TAFA4: variants seen among roughly 807,000 people sequenced by gnomAD.
TAFA4 encodes the protein chemokine-like protein TAFA-4.
TAFA4 carries 20 observed loss-of-function variants against 21.1 expected under a neutral mutation model. The observed-to-expected ratio is 0.95, with a 90% CI of 0.67 to 1.38. The LOEUF (loss-of-function observed/expected upper bound fraction) is 1.38. Ranked by LOEUF, TAFA4 falls within the 40% of genes most tolerant of loss-of-function variation. The pLI is 0.00. For synonymous variants in TAFA4, 71 were observed against 67.4 expected, an observed-to-expected ratio of 1.05 and a Z score of -0.26; for missense variants, 211 against 180.9, an observed-to-expected ratio of 1.17 and a Z score of -0.95.
At chr3:68,784,307 C>T (rs1447510105) in intron 3 of TAFA4, among the ~76,000 whole-genome samples, 3 of 152,206 alleles carry the variant, frequency 2.0e-5, no homozygotes, top group African/African-American at 7.2e-5. Context: ...CTTGGTCTCA[C>T]TGACTTCAAG....
intron 3 of TAFA4, among the ~76,000 whole-genome samples, chr3:68,861,817 T>G (rs1270117088): frequency 6.6e-6 from 1 of 152,040 alleles, no homozygotes; most frequent in Non-Finnish European, 1.5e-5. Flanking sequence ...CGTCATTGGA[T>G]TCTCACTGGC....
At chr3:68,825,545 A>G (rs1193181955) in intron 3 of TAFA4, among the ~76,000 whole-genome samples, 1 of 147,422 alleles carries the variant, frequency 6.8e-6, no homozygotes, top group African/African-American at 2.7e-5. Flanking sequence ...GAGTGTGTGC[A>G]GTCACTGAAT....
At chr3:68,790,912 C>G (rs972682989) in intron 3 of TAFA4, among the ~76,000 whole-genome samples, 3 of 152,172 alleles carry the variant, frequency 2.0e-5, no homozygotes, top group Admixed American at 6.5e-5. Flanking sequence ...ATGGCAACCC[C>G]CAATGTGTGT....
chr3:68,852,216 C>T (rs952984179), intron 3 of TAFA4, among the ~76,000 whole-genome samples: 2 of 152,142 alleles, frequency 1.3e-5, no homozygotes, highest in Non-Finnish European at 2.9e-5. Context: ...AGAGAGGACT[C>T]TTTTGTGCCA....
chr3:68,812,175 C>G (rs11914764), intron 3 of TAFA4, among the ~76,000 whole-genome samples: 12,840 of 152,174 alleles, frequency 0.084, 650 homozygotes, highest in African/African-American at 0.13. Context: ...CTGAAAGAAG[C>G]ACTAAACATG....
chr3:68,917,974 G>A (rs1463005597), intron 1 of TAFA4, among the ~76,000 whole-genome samples: 5 of 152,066 alleles, frequency 3.3e-5, no homozygotes, highest in East Asian at 1.9e-4. Context: ...TGTAGTTTTC[G>A]AAGCATTTTC....
chr3:68,743,433 G>A (rs1038225315), intron 4 of TAFA4, among the ~76,000 whole-genome samples: 9 of 151,878 alleles, frequency 5.9e-5, no homozygotes, highest in Admixed American at 1.3e-4. Context: ...AACATTCACT[G>A]GGCATGGTGG....
intron 3 of TAFA4, among the ~76,000 whole-genome samples, chr3:68,875,228 G>GT (rs560801762): frequency 0.016 from 2,341 of 142,212 alleles, 27 homozygotes; most frequent in African/African-American, 0.042. Context: ...CAAACTTCCA[G>GT]TTTTTTTTTT....
chr3:68,819,170 C>A (rs1201370945), intron 3 of TAFA4, among the ~76,000 whole-genome samples: 1 of 150,634 alleles, frequency 6.6e-6, no homozygotes, highest in African/African-American at 2.4e-5. Flanking sequence ...TATCTGAAGG[C>A]TGAGGTGGGA....
At chr3:68,744,532 T>C (rs1477288590) in intron 4 of TAFA4, among the ~76,000 whole-genome samples, 2 of 152,188 alleles carry the variant, frequency 1.3e-5, no homozygotes, top group African/African-American at 4.8e-5. Context: ...ATAAATTCCC[T>C]GCAGAGAAAA....
intron 3 of TAFA4, among the ~76,000 whole-genome samples, chr3:68,817,327 T>G (rs1704003728): frequency 6.6e-6 from 1 of 152,170 alleles, no homozygotes; most frequent in Non-Finnish European, 1.5e-5. Flanking sequence ...AGACTCTACT[T>G]CTAACTCTCT....
intron 3 of TAFA4, among the ~76,000 whole-genome samples, chr3:68,840,842 T>C (rs1441393858): frequency 6.6e-6 from 1 of 152,224 alleles, no homozygotes; most frequent in Non-Finnish European, 1.5e-5. Flanking sequence ...CGCTTGCCCA[T>C]GGCTAGACTA....
chr3:68,857,606 G>A (rs1440915548), intron 3 of TAFA4, among the ~76,000 whole-genome samples: 1 of 152,010 alleles, frequency 6.6e-6, no homozygotes, highest in Non-Finnish European at 1.5e-5. Context: ...ATTGTGAAAT[G>A]TAAATACATA....
chr3:68,762,987 G>A (rs751008347), intron 3 of TAFA4, among the ~76,000 whole-genome samples: 4 of 152,210 alleles, frequency 2.6e-5, no homozygotes, highest in East Asian at 1.9e-4. Flanking sequence ...GCAGGGAGCT[G>A]AGATCATGCC....
At chr3:68,898,484 T>C (rs1217992710) in intron 1 of TAFA4, among the ~76,000 whole-genome samples, 4 of 152,198 alleles carry the variant, frequency 2.6e-5, no homozygotes, top group East Asian at 1.9e-4. Context: ...CCATCTCTAC[T>C]AAAAACACAA....
intron 1 of TAFA4, among the ~76,000 whole-genome samples, chr3:68,918,989 T>G (rs556738755): frequency 2.9e-4 from 44 of 152,144 alleles, no homozygotes; most frequent in African/African-American, 8.0e-4. Context: ...CTTCAAAATA[T>G]CCCTCTGTAA....
intron 3 of TAFA4, among the ~76,000 whole-genome samples, chr3:68,795,039 C>G (rs1559523226): frequency 6.8e-6 from 1 of 147,980 alleles, no homozygotes; most frequent in African/African-American, 2.5e-5. Flanking sequence ...CACACACAGA[C>G]ACACAGTCTT....
intron 1 of TAFA4, among the ~76,000 whole-genome samples, chr3:68,918,946 C>A (rs1338005193): frequency 1.3e-5 from 2 of 152,164 alleles, no homozygotes. Context: ...CAGACATATA[C>A]AGCATCCTAT....
chr3:68,793,013 T>C (rs772752646), intron 3 of TAFA4, among the ~76,000 whole-genome samples: 2 of 152,306 alleles, frequency 1.3e-5, no homozygotes, highest in South Asian at 2.1e-4. Context: ...CAAGGAGTTA[T>C]GTTGTCTCTT....
Sources: gnomAD v4.1 joint callset for allele counts (sites outside exome capture counted in the v4.1 genomes callset) on GRCh38, gnomAD v4.1.1 for gene constraint, MANE v1.5 for transcripts, NCBI Gene and HGNC (gene_info 2026-07-23, HGNC 2026-07-21) for gene names.